Variants in COL9A1 observed in about 807,000 individuals in gnomAD.
The protein encoded by COL9A1 is collagen alpha-1(IX) chain.
A neutral mutation model predicts 142.6 loss-of-function variants in COL9A1; 104 were observed. That is an observed-to-expected ratio of 0.73 (90% CI 0.62 to 0.86). The LOEUF is 0.86. Among genes scored for constraint, COL9A1 ranks in the 40% least tolerant of loss-of-function variants. COL9A1 has a pLI of 0.00. For synonymous variants in COL9A1, 466 were observed against 396.0 expected (o/e 1.18, Z -2.10); for missense variants, 1,210 against 1,176.6 (o/e 1.03, Z -0.42).
chr6:70,243,910 A>G (rs916319486), intron 28 of COL9A1, among the ~76,000 whole-genome samples: 15 of 152,230 alleles, frequency 9.9e-5, no homozygotes, highest in Admixed American at 6.5e-4. Context: ...TGGAAGGTGC[A>G]TATAAAAATG....
intron 28 of COL9A1, among the ~76,000 whole-genome samples, chr6:70,249,031 A>G (rs995109047): frequency 3.3e-5 from 5 of 152,098 alleles, no homozygotes; most frequent in Admixed American, 6.6e-5. Flanking sequence ...TACAGGAAAG[A>G]GGTACGGAGA....
At chr6:70,245,112 G>A (rs1315109222) in intron 28 of COL9A1, among the ~76,000 whole-genome samples, 2 of 152,202 alleles carry the variant, frequency 1.3e-5, no homozygotes, top group African/African-American at 4.8e-5. Context: ...ACCTCACTGT[G>A]CAAAACAGTA....
intron 12 of COL9A1, 128 bp downstream of exon 12, chr6:70,273,919 T>C (rs1009789830): frequency 6.9e-6 from 3 of 435,690 alleles, no homozygotes; most frequent in Non-Finnish European, 7.2e-6. Flanking sequence ...ACTGCACATG[T>C]ACCCTAAAAC....
intron 10 of COL9A1, among the ~76,000 whole-genome samples, chr6:70,275,973 C>T (rs1234853043): frequency 2.0e-5 from 3 of 152,106 alleles, no homozygotes; most frequent in Non-Finnish European, 4.4e-5. Flanking sequence ...AAAACTAGTT[C>T]AGTGGCCACC....
intron 37 of COL9A1, among the ~76,000 whole-genome samples, chr6:70,224,473 T>C (rs75249642): frequency 0.019 from 2,859 of 152,312 alleles, 102 homozygotes; most frequent in African/African-American, 0.065. Context: ...ACATTTTCAA[T>C]AAAGGAAAAT....
In COL9A1 at chr6:70,225,952, G is replaced by C. The variant is rs761742449; in HGVS notation, c.2561C>G (p.Pro854Arg). 2.5e-6 allele frequency: 4 copies of C among 1,613,802 alleles called. No individual in the cohort carries two copies. Among genetic ancestry groups the C allele is most frequent in the Non-Finnish European group, 3.4e-6 (4 of 1,179,944 alleles). ...CTTACCTGGGAGACCTATAGCTCCA[G>C]GCAAACCGTTGGGACCTCTTCCTGG... ...GPPGRGPNGLPGAIGLPGDPG... is the reference protein window; with the variant it reads ...GPPGRGPNGLRGAIGLPGDPG... Residue 854 changes from proline to arginine, a missense_variant, in exon 37 of 38, where the codon CCT (proline) becomes CGT (arginine). Pro to Arg is a moderately radical substitution (Grantham distance 103). Coordinates refer to ENST00000357250, the MANE Select transcript of COL9A1 (RefSeq NM_001851.6).
intron 33 of COL9A1, among the ~76,000 whole-genome samples, chr6:70,237,214 T>C (rs1769966656): frequency 6.6e-6 from 1 of 152,000 alleles, no homozygotes; most frequent in Non-Finnish European, 1.5e-5. Context: ...CACGACAGAG[T>C]GTATAATCCT....
rs756873013 is a variant in COL9A1 at position 70,281,423 on chromosome 6, G to T, written c.843C>A (p.Gly281=). ...CATCGATGCCTGGAACTCCAGGGGG[G>T]CCCGGAGGCCCGGGAGGACCCTGCT... The part of the protein sequence containing the change: ...PGEQGPPGPP[G]PPGVPGIDGI... The change falls in exon 8 of 38, where the codon GGC becomes GGA. Residue 281 remains glycine (G), a synonymous_variant. Transcript: ENST00000357250. 16 of 1,613,364 alleles carry T rather than the reference G, an allele frequency of 9.9e-6. No homozygotes were observed. In the South Asian group the frequency reaches 1.6e-4, roughly 17 times the overall value.
At chr6:70,260,092 G>A (rs1480708127) in intron 20 of COL9A1, among the ~76,000 whole-genome samples, 1 of 152,160 alleles carries the variant, frequency 6.6e-6, no homozygotes, top group Admixed American at 6.5e-5. Flanking sequence ...ATGACAATGA[G>A]TTAAAATGTA....
chr6:70,300,915 C>G (rs1224546649), intron 2 of COL9A1, among the ~76,000 whole-genome samples: 1 of 152,098 alleles, frequency 6.6e-6, no homozygotes, highest in East Asian at 1.9e-4. Flanking sequence ...TCTTAGGAAT[C>G]TTTGTCAGAT....
At chr6:70,221,723 T>C (rs7744579) in intron 37 of COL9A1, among the ~76,000 whole-genome samples, 37,682 of 152,114 alleles carry the variant, frequency 0.25, 5,312 homozygotes, top group East Asian at 0.44. Context: ...TTTGCCCTAG[T>C]GAGTGCACAA....
chr6:70,268,751 C>T (rs1433573026), intron 17 of COL9A1, 53 bp downstream of exon 17: 1 of 1,530,234 alleles, frequency 6.5e-7, no homozygotes, highest in African/African-American at 1.4e-5. Context: ...AAAGTAAAGG[C>T]TCCATTTTAT....
At chr6:70,280,080 C>A in intron 10 of COL9A1, 2 of 670,798 alleles carry the variant, frequency 3.0e-6, no homozygotes, top group South Asian at 3.4e-5. Context: ...ATCCTGAAGT[C>A]ATTTTACTCT....
At chr6:70,228,422 C>T (rs79268960) in intron 36 of COL9A1, among the ~76,000 whole-genome samples, 2,861 of 152,146 alleles carry the variant, frequency 0.019, 104 homozygotes, top group African/African-American at 0.065. Flanking sequence ...CCCATTATTC[C>T]GGTAGTACAG....
chr6:70,242,457 G>C (rs553511646), intron 29 of COL9A1, among the ~76,000 whole-genome samples: 3 of 152,342 alleles, frequency 2.0e-5, no homozygotes, highest in South Asian at 4.1e-4. Context: ...TTTAAAAATG[G>C]ATGCTACAAA....
chr6:70,299,906 T>A, intron 4 of COL9A1, 137 bp downstream of exon 4: 2 of 800,312 alleles, frequency 2.5e-6, no homozygotes, highest in African/African-American at 1.7e-5. Flanking sequence ...GATAGGCAGG[T>A]AAATAAATTT....
chr6:70,289,750 C>T (rs1773589489), intron 5 of COL9A1, among the ~76,000 whole-genome samples: 1 of 152,088 alleles, frequency 6.6e-6, no homozygotes, highest in African/African-American at 2.4e-5. Flanking sequence ...TAGTTTTATG[C>T]ATAATAGATA....
intron 12 of COL9A1, 39 bp from the exon 13 acceptor site, chr6:70,272,127 T>C: frequency 6.5e-7 from 1 of 1,545,104 alleles, no homozygotes; most frequent in South Asian, 1.1e-5. Context: ...GCTTGAGGTT[T>C]ATACTTAGTA....
chr6:70,265,500 C>CTTTTTTTTTTTTTT, intron 18 of COL9A1, among the ~76,000 whole-genome samples: 1 of 136,592 alleles, frequency 7.3e-6, no homozygotes, highest in Non-Finnish European at 1.6e-5. Flanking sequence ...TGTGCTTGTA[C>CTTTTTTTTTTTTTT]TTTTTTTTTT....
Sources: gnomAD v4.1 joint callset for allele counts (sites outside exome capture counted in the v4.1 genomes callset) on GRCh38, gnomAD v4.1.1 for gene constraint, MANE v1.5 for transcripts, NCBI Gene and HGNC (gene_info 2026-07-23, HGNC 2026-07-21) for gene names.